Variants in CDC25C observed in about 807,000 individuals in gnomAD.
CDC25C encodes M-phase inducer phosphatase 3.
Under a neutral mutation model 52.5 loss-of-function variants are expected in CDC25C, and 48 were observed. That is an observed-to-expected ratio of 0.91 (90% CI 0.72 to 1.16). The LOEUF (loss-of-function observed/expected upper bound fraction) is 1.16, where lower values mean the gene tolerates loss of function less well. Ranked by LOEUF, CDC25C falls within the 50% of genes most tolerant of loss-of-function variation. The pLI is 0.00. For synonymous variants in CDC25C, 187 were observed against 206.5 expected, an observed-to-expected ratio of 0.91 and a Z score of 0.81; for missense variants, 510 against 566.1, an observed-to-expected ratio of 0.90 and a Z score of 1.01.
upstream of CDC25C, among the ~76,000 whole-genome samples, chr5:138,332,791 G>A (rs533916009): frequency 3.9e-5 from 6 of 152,230 alleles, no homozygotes; most frequent in South Asian, 2.1e-4. Context: ...GCTTGAACTC[G>A]GGAGACAGAG....
At chr5:138,289,324 C>G (rs558134466) in intron 10 of CDC25C, among the ~76,000 whole-genome samples, 177 bp downstream of exon 10, 1 of 151,852 alleles carries the variant, frequency 6.6e-6, no homozygotes, top group Non-Finnish European at 1.5e-5. Context: ...TAACTAAAAA[C>G]GAAGGAGAGA....
chr5:138,309,293 C>T (rs139399032), intron 7 of CDC25C, among the ~76,000 whole-genome samples: 217 of 151,750 alleles, frequency 1.4e-3, no homozygotes, highest in African/African-American at 4.8e-3. Context: ...CAGTGGCTCA[C>T]GCCTGTAATC....
At chr5:138,337,884 G>C in intron 1 of CDC25C, 1 of 1,115,664 alleles carries the variant, frequency 9.0e-7, no homozygotes. Flanking sequence ...TGCGTGACGC[G>C]GCCCGAACCG....
chr5:138,285,640 G>A lies in CDC25C; in HGVS notation c.*52C>T. On this transcript the variant is annotated 3_prime_UTR_variant, in exon 14 of 14. Coordinates refer to ENST00000323760, the MANE Select transcript of CDC25C (RefSeq NM_001790.5). ...TCCAGAAGGCCTCTTTCTGCTCAGG[G>A]TTTCTGCAGTGTCTTTTGGTGACTT... 6.3e-7 allele frequency: 1 copy of A among 1,575,618 alleles called. No individual in the cohort carries two copies. Among genetic ancestry groups the A allele is most frequent in the Non-Finnish European group, 8.7e-7 (1 of 1,151,114 alleles).
At chr5:138,317,273 C>T (rs1462056367) in intron 7 of CDC25C, among the ~76,000 whole-genome samples, 1 of 151,960 alleles carries the variant, frequency 6.6e-6, no homozygotes, top group Non-Finnish European at 1.5e-5. Context: ...AGCATGAGGA[C>T]TAGAATGCAA....
At chr5:138,319,445 T>C in intron 6 of CDC25C, 71 bp from the exon 7 acceptor site, 2 of 1,158,500 alleles carry the variant, frequency 1.7e-6, no homozygotes, top group Non-Finnish European at 2.4e-6. Context: ...GAGCTAAAAC[T>C]ATAAAACTCT....
chr5:138,303,095 A>G (rs1324873393), intron 7 of CDC25C, among the ~76,000 whole-genome samples: 1 of 151,888 alleles, frequency 6.6e-6, no homozygotes, highest in Non-Finnish European at 1.5e-5. Flanking sequence ...AAAACAAAAA[A>G]CCTGTTCCTG....
exon 1 of CDC25C, chr5:138,338,166 G>T (rs919490541): frequency 1.6e-6 from 2 of 1,289,624 alleles, no homozygotes; most frequent in African/African-American, 3.0e-5. Context: ...GGGTGGCTTG[G>T]GGGGATTCTG....
chr5:138,311,431 T>C (rs1395525116), intron 7 of CDC25C, among the ~76,000 whole-genome samples: 7 of 152,044 alleles, frequency 4.6e-5, no homozygotes, highest in Non-Finnish European at 7.4e-5. Flanking sequence ...CATCTCTATC[T>C]CTACAAAAAA....
chr5:138,288,387 A>G (rs1756435998), intron 10 of CDC25C, among the ~76,000 whole-genome samples: 1 of 152,054 alleles, frequency 6.6e-6, no homozygotes. Flanking sequence ...TCCCATTTCT[A>G]TAAAACATAT....
intron 7 of CDC25C, among the ~76,000 whole-genome samples, chr5:138,317,304 C>A (rs994730179): frequency 1.3e-5 from 2 of 151,898 alleles, no homozygotes; most frequent in African/African-American, 4.8e-5. Flanking sequence ...TCCACTATAC[C>A]ATACTGGCCT....
intron 13 of CDC25C, 74 bp from the exon 14 acceptor site, chr5:138,285,915 G>C (rs907144253): frequency 9.6e-6 from 15 of 1,559,882 alleles, no homozygotes; most frequent in Admixed American, 3.4e-5. Context: ...TAGAGATGCT[G>C]CTGCTGGCAG....
At chr5:138,323,610 C>T (rs913858629) in intron 6 of CDC25C, among the ~76,000 whole-genome samples, 2 of 151,960 alleles carry the variant, frequency 1.3e-5, no homozygotes. Flanking sequence ...CAACATCTGG[C>T]CTAATTAGCA....
At chr5:138,319,426 T>A in intron 6 of CDC25C, 52 bp from the exon 7 acceptor site, 1 of 1,379,548 alleles carries the variant, frequency 7.2e-7, no homozygotes. Flanking sequence ...ATCAAAGTTC[T>A]AAATGTAAGA....
rs376707233 is a variant in CDC25C at position 138,325,784 on chromosome 5, C to A, written c.459+31G>T. The A allele has an allele frequency of 4.7e-6, 7 of 1,484,668 alleles. No homozygotes were observed. The African/African-American group carries it at 9.7e-5, about 21-fold the overall frequency. The allele number at this position is 1,484,668 out of a possible 1,614,324, so 92.0% of individuals were successfully genotyped here. A position where few individuals can be genotyped will look rare whatever the true frequency, so the allele number is the denominator to read the frequency against. ...TTCTTCACTCAAAAAATAAAACTGC[C>A]AATATATCTAGGTTTCCATTAAACA... On this transcript the variant is annotated intron_variant, in intron 6 of 13. Coordinates refer to ENST00000323760, the MANE Select transcript of CDC25C (RefSeq NM_001790.5).
intron 6 of CDC25C, among the ~76,000 whole-genome samples, chr5:138,321,479 C>T (rs1262495112): frequency 2.0e-5 from 3 of 151,962 alleles, no homozygotes; most frequent in Admixed American, 6.6e-5. Context: ...AGTGGCCAGG[C>T]GCGGTGGCTC....
chr5:138,306,802 A>G (rs1046357257), intron 7 of CDC25C, among the ~76,000 whole-genome samples: 5 of 146,098 alleles, frequency 3.4e-5, no homozygotes, highest in Non-Finnish European at 7.5e-5. Flanking sequence ...ATTTAACATC[A>G]AAGAGGTAAA....
chr5:138,337,421 T>C lies in CDC25C; in HGVS notation c.13+535A>G, dbSNP rs534370358. 2.3e-4 allele frequency: 35 copies of C among 154,014 alleles called. 1 individual carries two copies. In the South Asian group the frequency reaches 5.0e-3, roughly 22 times the overall value. 9.5% of individuals were successfully genotyped at this position (154,014 alleles called of 1,614,324 possible). ...CATCTGCCTGTTTCCTCCTTCCCTT[T>C]CTGTTTAAGGAAAGTCTAACCACCG... On this transcript the variant is annotated intron_variant, in intron 1 of 5. Transcript: ENST00000510119.
intron 8 of CDC25C, among the ~76,000 whole-genome samples, chr5:138,291,419 CTTTTTTT>C (rs572826668): frequency 7.2e-6 from 1 of 138,802 alleles, no homozygotes; most frequent in African/African-American, 2.6e-5. Flanking sequence ...CAACATTTCT[CTTTTTTT>C]TTTTTTTTTT....
Sources: gnomAD v4.1 joint callset for allele counts (sites outside exome capture counted in the v4.1 genomes callset) on GRCh38, gnomAD v4.1.1 for gene constraint, MANE v1.5 for transcripts, NCBI Gene and HGNC (gene_info 2026-07-23, HGNC 2026-07-21) for gene names.